Variants in NBEAL2 observed in about 807,000 individuals in gnomAD.
The protein encoded by NBEAL2 is neurobeachin-like protein 2.
In NBEAL2, 160 loss-of-function variants were observed where a neutral mutation model predicts 299.8. The observed-to-expected ratio is 0.53, with a 90% CI of 0.47 to 0.61. NBEAL2 has a LOEUF of 0.61. NBEAL2 is among the 20% of genes least tolerant of loss of function. The pLI is 0.00. For missense variants in NBEAL2, 3,112 were observed against 3,649.0 expected (o/e 0.85, Z 3.79); for synonymous variants, 1,493 against 1,542.3 (o/e 0.97, Z 0.75).
Position 47,002,436 on chromosome 3 carries a change from T to C in NBEAL2, c.5217T>C (p.Gly1739=), listed in dbSNP as rs2037085547. Residue 1739 remains glycine (G), a synonymous_variant, in exon 32 of 54, where the codon GGT becomes GGC. Transcript: ENST00000450053. ...CTAAGAGCCACGACCTTATGTCAGG[T>C]TTCTGGAATGCCTGCTATGACATGC... is the stretch of plus-strand genomic sequence containing the variant. ...TYAKSHDLMS[G]FWNACYDMLM... 1.2e-6 allele frequency: 2 copies of C among 1,613,300 alleles called. No homozygotes were observed. Among genetic ancestry groups the C allele is most frequent in the Non-Finnish European group, 1.7e-6 (2 of 1,179,898 alleles).
chr3:47,009,347 C>A lies in NBEAL2; in HGVS notation c.*27C>A, dbSNP rs769341383. ...CCTGGCCAGTCCGGCTGCTCGGGCC[C>A]CGCCCCCGGCAGGCCTGGCCCGGGA... On this transcript the variant is annotated 3_prime_UTR_variant, in exon 54 of 54. Transcript: ENST00000450053. The A allele has an allele frequency of 1.3e-6, 2 of 1,558,854 alleles. No individual in the cohort carries two copies. Among genetic ancestry groups the A allele is most frequent in the Non-Finnish European group, 1.7e-6 (2 of 1,151,016 alleles).
chr3:46,989,041 G>T lies in NBEAL2; in HGVS notation c.270-44G>T, dbSNP rs770839593. 1.2e-6 allele frequency: 2 copies of T among 1,611,658 alleles called. No homozygotes were observed. Among genetic ancestry groups the T allele is most frequent in the Non-Finnish European group, 1.7e-6 (2 of 1,178,764 alleles). ...CCAGAGGGAGAGGGGACAAGGAGGG[G>T]CATGGTGTATTATTGTGACCTCTCT... On this transcript the variant is annotated intron_variant, in intron 3 of 53. Transcript: ENST00000450053. This position sits in a 1 kb window ranked among gnomAD's most constrained non-coding sequence, Gnocchi z 5.5.
rs1401689589 is a variant in NBEAL2, at chr3:47,006,183, A to G, written c.6938A>G (p.His2313Arg). The G allele has an allele frequency of 1.2e-6, 2 of 1,613,802 alleles. No individual in the cohort carries two copies. Among genetic ancestry groups the G allele is most frequent in the South Asian group, 1.1e-5 (1 of 91,090 alleles). Residue 2313 changes from histidine to arginine, a missense_variant, in exon 44 of 54, where the codon CAT becomes CGT. By Grantham distance (29) the His-to-Arg change is conservative (BLOSUM62 0). Around this residue, in one of 3 missense-constraint regions of NBEAL2, gnomAD observed 521 missense variants for 729.6 expected, o/e 0.71. Transcript: ENST00000450053. Reference sequence around the variant, plus strand: ...TTCCCAGGGGCTGTAGACCTGGACCATGTGACAGATGAGCGGGAACGGAAG... The same window carrying G: ...TTCCCAGGGGCTGTAGACCTGGACCGTGTGACAGATGAGCGGGAACGGAAG... ...CTYEGAVDLD[H>R]VTDERERKAL...
In NBEAL2 at chr3:46,979,669, G is replaced by A; in HGVS notation, c.-193G>A. 3.2e-6 allele frequency: 1 copy of A among 313,982 alleles called. No homozygotes were observed. The highest frequency in any genetic ancestry group is 4.8e-5 in the East Asian group (1 of 20,942). The allele number at this position is 313,982 out of a possible 1,614,324, so 19.4% of individuals were successfully genotyped here. A position where few individuals can be genotyped will look rare whatever the true frequency, so the allele number is the denominator to read the frequency against. ...AGGAAGCTGGGCGGCGGCCGGCAGT[G>A]AGGAGGAGGAGCGAGCAGACTTGGG... On this transcript the variant is annotated 5_prime_UTR_variant, in exon 1 of 54. Transcript: ENST00000450053.
Position 46,994,483 on chromosome 3 carries a change from C to T in NBEAL2, c.1226C>T (p.Pro409Leu), listed in dbSNP as rs267599848. Reference protein sequence around the residue: ...KEVFKERIGYPHLQEVLQSHG... With the variant: ...KEVFKERIGYLHLQEVLQSHG... ...GTGTTTAAGGAGCGCATCGGCTACC[C>T]TCACCTGCAGGAGGTTCTGCAGAGC... is the stretch of plus-strand genomic sequence containing the variant. Residue 409 changes from proline to leucine, a missense_variant, in exon 12 of 54, where the codon CCT becomes CTT. Pro to Leu is a moderately conservative substitution (Grantham distance 98). Transcript: ENST00000450053. The T allele has an allele frequency of 1.9e-6, 3 of 1,595,826 alleles. No individual in the cohort carries two copies. The highest frequency in any genetic ancestry group is 1.1e-5 in the South Asian group (1 of 88,402).
intron 1 of NBEAL2, among the ~76,000 whole-genome samples, chr3:46,981,518 T>G (rs1198342208): frequency 6.6e-6 from 1 of 152,120 alleles, no homozygotes; most frequent in Non-Finnish European, 1.5e-5. Context: ...GAGGTAGCCA[T>G]TATAGCTGGT....
At chr3:46,986,450 G>A (rs2035678180) in intron 1 of NBEAL2, among the ~76,000 whole-genome samples, 1 of 152,188 alleles carries the variant, frequency 6.6e-6, no homozygotes, top group African/African-American at 2.4e-5. Flanking sequence ...GAGGGGGAGA[G>A]GTGGAAGCTG....
At position 47,008,977 on chromosome 3, in the gene NBEAL2, T is replaced by G; in HGVS notation, c.8028-12T>G. 2.5e-6 allele frequency: 4 copies of G among 1,598,704 alleles called. No homozygotes were observed. The highest frequency in any genetic ancestry group is 3.4e-6 in the Non-Finnish European group (4 of 1,179,810). On this transcript the variant is annotated splice_polypyrimidine_tract_variant and intron_variant, in intron 52 of 53. Transcript: ENST00000450053. ...CAGTCGCAAGTTGGTGTATATCCCC[T>G]CTCCCTTCCAGACTGCTCCCGGCCG...
Position 47,009,568 on chromosome 3 carries a change from T to G in NBEAL2, c.*248T>G. On this transcript the variant is annotated 3_prime_UTR_variant, in exon 54 of 54. Coordinates refer to ENST00000450053, the MANE Select transcript of NBEAL2 (RefSeq NM_015175.3). ...GCGTCTGCGGCCGCAGCAGCACTTT[T>G]TGCACAGTCTGGGGCGGGGTTCCCC... The G allele has an allele frequency of 7.5e-6, 4 of 530,492 alleles. No homozygotes were observed. Among genetic ancestry groups the G allele is most frequent in the African/African-American group, 2.0e-5 (1 of 49,340 alleles). 32.9% of individuals were successfully genotyped at this position (530,492 alleles called of 1,614,324 possible).
In NBEAL2 at chr3:47,008,570, A is replaced by G. The variant is rs1459950619; in HGVS notation, c.7929A>G (p.Ser2643=). ...CAGTCAATGGGAAGTTGCGGGCTTC[A>G]CTGCCCCTGGCAGAGCAGCCTACAG... is the stretch of plus-strand genomic sequence containing the variant. ...LYSVNGKLRA[S]LPLAEQPTAL... Residue 2643 remains serine, a synonymous_variant, in exon 52 of 54, where the codon TCA becomes TCG. Coordinates refer to ENST00000450053, the MANE Select transcript of NBEAL2 (RefSeq NM_015175.3). The G allele has an allele frequency of 6.2e-7, 1 of 1,613,560 alleles. No homozygotes were observed. The highest frequency in any genetic ancestry group is 1.7e-5 in the Admixed American group (1 of 60,000).
chr3:46,999,555 G>T, intron 25 of NBEAL2, 75 bp from the exon 26 acceptor site: 3 of 1,590,696 alleles, frequency 1.9e-6, no homozygotes, highest in Non-Finnish European at 2.6e-6. Flanking sequence ...GAAGATAGTG[G>T]CATAGGGGCC....
Position 46,995,774 on chromosome 3 carries a change from G to A in NBEAL2, c.1959G>A (p.Val653=). 3 of 1,613,776 alleles carry A rather than the reference G, an allele frequency of 1.9e-6. No homozygotes were observed. The South Asian group carries it at 3.3e-5, about 18-fold the overall frequency. The change falls in exon 14 of 54, where the codon GTG becomes GTA. Residue 653 remains valine, a synonymous_variant. Transcript: ENST00000450053. ...EAFFTAAGTL[V]VAVCTRKEYL... is the part of the protein sequence containing the mutation. Reference sequence around the variant, plus strand: ...TCTTCACGGCGGCCGGGACCCTGGTGGTGGCTGTGTGCACACGGAAGGAGT... The same window carrying A: ...TCTTCACGGCGGCCGGGACCCTGGTAGTGGCTGTGTGCACACGGAAGGAGT...
intron 1 of NBEAL2, among the ~76,000 whole-genome samples, chr3:46,983,455 G>A (rs1017620427): frequency 5.9e-5 from 9 of 151,830 alleles, no homozygotes; most frequent in Admixed American, 3.9e-4. Flanking sequence ...GACTACAGGC[G>A]TGTGCCACCA....
rs927964017 is a variant in NBEAL2 at position 46,988,503 on chromosome 3, C to G, written c.52-166C>G. Among the ~76,000 whole-genome samples, 1 of 151,508 alleles carries G rather than the reference C, an allele frequency of 6.6e-6. No homozygotes were observed. The highest frequency in any genetic ancestry group is 6.6e-5 in the Admixed American group (1 of 15,210). On this transcript the variant is annotated intron_variant, in intron 1 of 53. Coordinates refer to ENST00000450053, the MANE Select transcript of NBEAL2 (RefSeq NM_015175.3). The surrounding 1 kb of genome is among the most constrained non-coding windows in gnomAD (Gnocchi z 4.4). ...TTCCAATGTCCTGCCCTCCCTCCCC[C>G]GTCCCCCACTCCCCTTCTCCACACC... is the stretch of plus-strand genomic sequence containing the variant.
chr3:47,006,632 A>G (rs1420429902), intron 45 of NBEAL2, among the ~76,000 whole-genome samples, 183 bp downstream of exon 45: 1 of 152,204 alleles, frequency 6.6e-6, no homozygotes, highest in Admixed American at 6.5e-5. Context: ...CATCAGGGCC[A>G]GGATAAAGTG....
Position 47,000,375 on chromosome 3 carries a change from GA to G in NBEAL2, c.4277del (p.Asp1426ValfsTer28), listed in dbSNP as rs750147064. The part of the protein sequence containing the change: ...GSLPEPTISG[D>X]DTSNTSNPQQ... Reference sequence around the variant, plus strand: ...CCTCCCGGAGCCCACCATTAGCGGGGATGATACCTCGAACACCAGCAACCCA... The same window carrying G: ...CCTCCCGGAGCCCACCATTAGCGGGGTGATACCTCGAACACCAGCAACCCA... On this transcript the variant is annotated frameshift_variant, in exon 27 of 54. Coordinates refer to ENST00000450053, the MANE Select transcript of NBEAL2 (RefSeq NM_015175.3). LOFTEE classifies it high-confidence loss of function. The surrounding 1 kb of genome is among the most constrained non-coding windows in gnomAD (Gnocchi z 4.5). The G allele has an allele frequency of 6.3e-7, 1 of 1,585,056 alleles. No individual in the cohort carries two copies. The highest frequency in any genetic ancestry group is 8.6e-7 in the Non-Finnish European group (1 of 1,162,552).
At chr3:46,983,005 G>T (rs11130112) in intron 1 of NBEAL2, among the ~76,000 whole-genome samples, 86,774 of 151,926 alleles carry the variant, frequency 0.57, 24,956 homozygotes, top group Non-Finnish European at 0.58. Flanking sequence ...GAGCAGCAGT[G>T]ATGTTCAGCA....
At position 46,991,741 on chromosome 3, in the gene NBEAL2, TAAGTGATG is replaced by T; in HGVS notation, c.925+55_925+62del. The T allele has an allele frequency of 6.4e-7, 1 of 1,570,886 alleles. No individual in the cohort carries two copies. Among genetic ancestry groups the T allele is most frequent in the South Asian group, 1.1e-5 (1 of 87,026 alleles). On this transcript the variant is annotated intron_variant, in intron 8 of 53. Coordinates refer to ENST00000450053, the MANE Select transcript of NBEAL2 (RefSeq NM_015175.3). This position sits in a 1 kb window ranked among gnomAD's most constrained non-coding sequence, Gnocchi z 6.2. ...GAAGGGGCACCATGAGGGAAAAGCCTAAGTGATGATGGAAGGTCTGGATAGGGCAGCAT... is the reference window on the plus strand; with the variant it reads ...GAAGGGGCACCATGAGGGAAAAGCCTATGGAAGGTCTGGATAGGGCAGCAT...
In NBEAL2 at chr3:46,988,973, G is replaced by A. The variant is rs779355969; in HGVS notation, c.269+3G>A. 17 of 1,612,498 alleles carry A rather than the reference G, an allele frequency of 1.1e-5. No homozygotes were observed. Among genetic ancestry groups the A allele is most frequent in the Non-Finnish European group, 1.4e-5 (17 of 1,179,120 alleles). ...AAGCTCTTCATCATTCTCTGCAGGTGTCTCTGTTGTCCACTCTACAAGCAG... is the reference window on the plus strand; with the variant it reads ...AAGCTCTTCATCATTCTCTGCAGGTATCTCTGTTGTCCACTCTACAAGCAG... On this transcript the variant is annotated splice_donor_region_variant and intron_variant, in intron 3 of 53. Transcript: ENST00000450053. The surrounding 1 kb of genome is among the most constrained non-coding windows in gnomAD (Gnocchi z 4.4).
Sources: allele counts gnomAD v4.1 joint callset (sites outside exome capture counted in the v4.1 genomes callset), GRCh38; gene constraint gnomAD v4.1.1; regional missense constraint gnomAD v4.1.1; non-coding constraint Gnocchi (gnomAD v3.1); transcripts MANE v1.5; gene names NCBI Gene and HGNC (gene_info 2026-07-23, HGNC 2026-07-21).